SLC35F1: variants seen among roughly 807,000 people sequenced by gnomAD.
SLC35F1 encodes chromosome 6 open reading frame 169.
In SLC35F1, 14 loss-of-function variants were observed where a neutral mutation model predicts 48.7. The ratio of observed to expected loss-of-function variants is 0.29; its 90% CI spans 0.19 to 0.45. The LOEUF (loss-of-function observed/expected upper bound fraction) is 0.45. SLC35F1 is among the 20% of genes least tolerant of loss of function. The pLI, the probability that SLC35F1 is intolerant of heterozygous loss-of-function variation, is 1.00. For missense variants in SLC35F1, 404 were observed against 500.0 expected, an observed-to-expected ratio of 0.81 and a Z score of 1.83; for synonymous variants, 190 against 202.2, an observed-to-expected ratio of 0.94 and a Z score of 0.51.
intron 1 of SLC35F1, among the ~76,000 whole-genome samples, chr6:117,978,384 C>T (rs1776731048): frequency 6.6e-6 from 1 of 152,024 alleles, no homozygotes; most frequent in Admixed American, 6.6e-5. Context: ...CCCTTTACCA[C>T]ATTTACTTAG....
chr6:118,140,887 T>C (rs1253814912), intron 1 of SLC35F1, among the ~76,000 whole-genome samples: 1 of 77,330 alleles, frequency 1.3e-5, no homozygotes, highest in Non-Finnish European at 4.5e-5. Context: ...AATAAGTATA[T>C]AAAGAAAATA....
chr6:118,001,658 C>G (rs1186903700), intron 1 of SLC35F1, among the ~76,000 whole-genome samples: 2 of 152,086 alleles, frequency 1.3e-5, no homozygotes, highest in African/African-American at 2.4e-5. Flanking sequence ...TCAGAGTGAA[C>G]AGGCAACCTA....
intron 1 of SLC35F1, among the ~76,000 whole-genome samples, chr6:118,132,960 C>T (rs897962933): frequency 1.2e-4 from 18 of 152,070 alleles, no homozygotes; most frequent in African/African-American, 4.3e-4. Flanking sequence ...TAGAGGAAGG[C>T]ATGGAGATGG....
intron 1 of SLC35F1, among the ~76,000 whole-genome samples, chr6:118,128,329 A>G (rs1169291140): frequency 2.2e-4 from 30 of 139,502 alleles, no homozygotes; most frequent in South Asian, 2.4e-4. Flanking sequence ...CCAAAGGACT[A>G]TAAATCATGC....
At chr6:118,128,809 A>C (rs1184661787) in intron 1 of SLC35F1, among the ~76,000 whole-genome samples, 1 of 151,398 alleles carries the variant, frequency 6.6e-6, no homozygotes, top group African/African-American at 2.4e-5. Flanking sequence ...CTTAAAGTAT[A>C]ATAATAAAAA....
At chr6:117,910,376 T>C (rs1775746502) in intron 1 of SLC35F1, among the ~76,000 whole-genome samples, 1 of 152,198 alleles carries the variant, frequency 6.6e-6, no homozygotes. Context: ...ATAAGCATCT[T>C]TGTCAATTTT....
chr6:117,969,553 C>T (rs531323026), intron 1 of SLC35F1, among the ~76,000 whole-genome samples: 23 of 152,220 alleles, frequency 1.5e-4, no homozygotes, highest in African/African-American at 5.5e-4. Flanking sequence ...GAGACTTCAT[C>T]TCTACAAAAA....
chr6:118,031,927 T>G (rs1772060580), intron 1 of SLC35F1, among the ~76,000 whole-genome samples: 1 of 152,146 alleles, frequency 6.6e-6, no homozygotes, highest in South Asian at 2.1e-4. Context: ...GGAAGCTGCT[T>G]CTGCCCTGTC....
intron 2 of SLC35F1, among the ~76,000 whole-genome samples, chr6:118,203,669 C>T (rs1182189193): frequency 6.6e-6 from 1 of 152,148 alleles, no homozygotes; most frequent in African/African-American, 2.4e-5. Context: ...GAAAGCCTGT[C>T]AATAGAGAGA....
chr6:118,059,588 G>A (rs559782409), intron 1 of SLC35F1, among the ~76,000 whole-genome samples: 2 of 152,074 alleles, frequency 1.3e-5, no homozygotes, highest in East Asian at 3.8e-4. Flanking sequence ...CATGTCCATC[G>A]CAAGTCGGCA....
chr6:118,288,567 A>G (rs148865058), intron 7 of SLC35F1, among the ~76,000 whole-genome samples: 1 of 152,298 alleles, frequency 6.6e-6, no homozygotes, highest in African/African-American at 2.4e-5. Context: ...GGGTTTTATC[A>G]TGCAGATGAA....
At chr6:118,042,364 A>G (rs768633155) in intron 1 of SLC35F1, among the ~76,000 whole-genome samples, 18 of 152,210 alleles carry the variant, frequency 1.2e-4, no homozygotes, top group Non-Finnish European at 2.6e-4. Context: ...GTGGTGGCAC[A>G]AAGCATGAAA....
At chr6:118,105,239 T>G (rs917586447) in intron 1 of SLC35F1, among the ~76,000 whole-genome samples, 1 of 152,198 alleles carries the variant, frequency 6.6e-6, no homozygotes, top group African/African-American at 2.4e-5. Context: ...GCTCATTCAT[T>G]GAAGACTTTG....
chr6:118,298,540 A>T (rs984392454), intron 7 of SLC35F1, among the ~76,000 whole-genome samples: 1 of 152,262 alleles, frequency 6.6e-6, no homozygotes, highest in East Asian at 1.9e-4. Flanking sequence ...TAGGCAGTAC[A>T]TAATGGTTTC....
intron 1 of SLC35F1, among the ~76,000 whole-genome samples, chr6:118,138,780 C>G (rs1412715796): frequency 6.6e-6 from 1 of 151,922 alleles, no homozygotes; most frequent in Non-Finnish European, 1.5e-5. Context: ...CCATTTCATG[C>G]ATAAACAACC....
At chr6:118,277,635 G>T in intron 6 of SLC35F1, 89 bp downstream of exon 6, 1 of 1,185,314 alleles carries the variant, frequency 8.4e-7, no homozygotes. Flanking sequence ...CACAAACAAG[G>T]AGGGGATTTA....
chr6:118,273,642 C>T (rs1011702225), intron 4 of SLC35F1, among the ~76,000 whole-genome samples: 1 of 152,154 alleles, frequency 6.6e-6, no homozygotes, highest in African/African-American at 2.4e-5. Flanking sequence ...AAAGATTAAT[C>T]AGGTTGCCAA....
At chr6:118,001,757 A>T (rs1168003799) in intron 1 of SLC35F1, among the ~76,000 whole-genome samples, 1 of 152,204 alleles carries the variant, frequency 6.6e-6, no homozygotes, top group Admixed American at 6.5e-5. Context: ...TTTACAAGAA[A>T]AAAACAAACA....
intron 3 of SLC35F1, among the ~76,000 whole-genome samples, chr6:118,245,522 C>G (rs868080955): frequency 2.9e-4 from 44 of 152,156 alleles, no homozygotes; most frequent in African/African-American, 1.1e-3. Flanking sequence ...CTCTGCTGCT[C>G]TCTCCTCCCA....
Sources: gnomAD v4.1 joint callset for allele counts (sites outside exome capture counted in the v4.1 genomes callset) on GRCh38, gnomAD v4.1.1 for gene constraint, MANE v1.5 for transcripts, NCBI Gene and HGNC (gene_info 2026-07-23, HGNC 2026-07-21) for gene names.